The following BANP variants were observed in gnomAD, a reference collection of about 807,000 sequenced individuals.
The protein encoded by BANP is protein BANP.
Under a neutral mutation model 68.1 loss-of-function variants are expected in BANP, and 11 were observed. The observed-to-expected ratio is 0.16, with a 90% CI of 0.10 to 0.27. The LOEUF is 0.27. Among genes scored for constraint, BANP ranks in the 10% least tolerant of loss-of-function variants. BANP has a pLI of 1.00. For missense variants in BANP, 504 were observed against 722.7 expected (o/e 0.70, Z 3.47); for synonymous variants, 329 against 303.2 (o/e 1.09, Z -0.88).
intron 4 of BANP, among the ~76,000 whole-genome samples, chr16:87,995,844 G>A (rs1040180724): frequency 2.6e-5 from 4 of 152,236 alleles, no homozygotes; most frequent in South Asian, 2.1e-4. Flanking sequence ...GGGAAGCAGC[G>A]CGCCCGGCCT....
Position 88,051,647 on chromosome 16 carries a change from A to C in BANP, c.1312-13620A>C, listed in dbSNP as rs551951391. Among the ~76,000 whole-genome samples, 4 of 152,286 alleles carry C rather than the reference A, an allele frequency of 2.6e-5. No individual in the cohort carries two copies. The East Asian group carries it at 7.7e-4, about 29-fold the overall frequency. The stretch of plus-strand genomic sequence containing the variant: ...GTTGTGGGGCTGGTCTGTCACCTTC[A>C]GTGTTGTGATCTCAGGAAGATAGCA... On this transcript the variant is annotated intron_variant, in intron 11 of 13. Coordinates refer to ENST00000682872, the MANE Select transcript of BANP (RefSeq NM_001386991.1).
At chr16:87,991,049 A>G (rs1199667219) in intron 4 of BANP, among the ~76,000 whole-genome samples, 2 of 152,228 alleles carry the variant, frequency 1.3e-5, no homozygotes, top group African/African-American at 4.8e-5. Context: ...GGCGTGCACC[A>G]CTGCGCCCAG....
chr16:88,032,068 G>C (rs963373700), intron 8 of BANP, among the ~76,000 whole-genome samples: 7 of 152,116 alleles, frequency 4.6e-5, no homozygotes, highest in African/African-American at 1.7e-4. Context: ...GCCTCCCAAA[G>C]TGCTGGGATT....
chr16:88,040,317 A>G (rs1287861018), intron 11 of BANP, among the ~76,000 whole-genome samples: 3 of 147,206 alleles, frequency 2.0e-5, no homozygotes, highest in Non-Finnish European at 4.4e-5. Flanking sequence ...CACCCTGCTC[A>G]TGCAGGCTTC....
At chr16:88,060,726 G>C (rs2086509993) in intron 11 of BANP, among the ~76,000 whole-genome samples, 1 of 152,086 alleles carries the variant, frequency 6.6e-6, no homozygotes, top group Admixed American at 6.5e-5. Flanking sequence ...TTGGATGGCA[G>C]CCCGGCCGGG....
At chr16:87,971,176 G>C (rs1032689235) in intron 1 of BANP, among the ~76,000 whole-genome samples, 1 of 152,176 alleles carries the variant, frequency 6.6e-6, no homozygotes, top group African/African-American at 2.4e-5. Context: ...GTTTTTGAAA[G>C]TTGTTACATT....
chr16:87,977,621 TAGA>T, intron 2 of BANP, among the ~76,000 whole-genome samples: 1 of 152,314 alleles, frequency 6.6e-6, no homozygotes, highest in South Asian at 2.1e-4. Context: ...GTCAAGAAAG[TAGA>T]AGAAATAAAA....
At chr16:87,967,678 G>T (rs555953523) in intron 1 of BANP, among the ~76,000 whole-genome samples, 16 of 148,344 alleles carry the variant, frequency 1.1e-4, no homozygotes, top group Admixed American at 8.9e-4. Flanking sequence ...CTGGAGTGCA[G>T]TGGCGCAGTC....
intron 13 of BANP, among the ~76,000 whole-genome samples, chr16:88,072,451 A>C (rs532009997): frequency 1.9e-4 from 29 of 152,334 alleles, no homozygotes; most frequent in African/African-American, 6.7e-4. Flanking sequence ...TCTTGTGGAA[A>C]TGTTTGTAAA....
chr16:88,003,575 C>CT lies in BANP; in HGVS notation c.363-717dup. 2.2e-6 allele frequency: 1 copy of CT among 455,820 alleles called. No individual in the cohort carries two copies. The highest frequency in any genetic ancestry group is 1.6e-5 in the South Asian group (1 of 64,486). 28.2% of individuals were successfully genotyped at this position (455,820 alleles called of 1,614,324 possible). A position where few individuals can be genotyped will look rare whatever the true frequency, so the allele number is the denominator to read the frequency against. On this transcript the variant is annotated intron_variant, in intron 4 of 13. Coordinates refer to ENST00000682872, the MANE Select transcript of BANP (RefSeq NM_001386991.1). This position sits in a 1 kb window ranked among gnomAD's most constrained non-coding sequence, Gnocchi z 6.1. ...ATTGAAAACTGTGGGTGAGTCTGTA[C>CT]TTTGAGATGAAGCTGTGTTAGCTGC...
At chr16:88,045,371 G>A (rs941502055) in intron 11 of BANP, among the ~76,000 whole-genome samples, 5 of 152,200 alleles carry the variant, frequency 3.3e-5, no homozygotes, top group African/African-American at 7.2e-5. Flanking sequence ...TTGTCCGTGC[G>A]TGCACTTGAG....
At chr16:88,007,439 G>A (rs1286765829) in intron 6 of BANP, among the ~76,000 whole-genome samples, 1 of 152,116 alleles carries the variant, frequency 6.6e-6, no homozygotes, top group Non-Finnish European at 1.5e-5. Flanking sequence ...GTGCCCTCCC[G>A]CCTGGCCCTC....
chr16:88,004,360 A>G lies in BANP; in HGVS notation c.428A>G (p.Glu143Gly). The G allele has an allele frequency of 6.5e-7, 1 of 1,550,358 alleles. No homozygotes were observed. The highest frequency in any genetic ancestry group is 8.7e-7 in the Non-Finnish European group (1 of 1,146,548). ...DRQNAIVAKMEDPLSNRAPDS... is the reference protein window; with the variant it reads ...DRQNAIVAKMGDPLSNRAPDS... ...CAGAACGCCATTGTAGCCAAGATGG[A>G]AGACCCCTTGAGCAACAGGGCACCG... The change falls in exon 5 of 14, where the codon GAA becomes GGA. Residue 143 changes from glutamate (E) to glycine (G), a missense_variant. By Grantham distance (98) the Glu-to-Gly change is moderately conservative. Around this residue, in one of 3 missense-constraint regions of BANP, gnomAD observed 238 missense variants for 278.9 expected, o/e 0.85. Transcript: ENST00000682872. This position sits in a 1 kb window ranked among gnomAD's most constrained non-coding sequence, Gnocchi z 7.0.
At chr16:88,020,480 G>C (rs943030889) in intron 7 of BANP, among the ~76,000 whole-genome samples, 1 of 152,256 alleles carries the variant, frequency 6.6e-6, no homozygotes, top group Non-Finnish European at 1.5e-5. Flanking sequence ...ATATATAGAC[G>C]AATGAGAAAT....
chr16:88,055,169 C>T (rs938491265), intron 11 of BANP, among the ~76,000 whole-genome samples: 8 of 150,940 alleles, frequency 5.3e-5, no homozygotes, highest in African/African-American at 1.7e-4. Context: ...AAGATGTGCA[C>T]GAACAAAGCT....
rs539362691 is a variant in BANP, at chr16:88,015,266, C to A, written c.656-3162C>A. On this transcript the variant is annotated intron_variant, in intron 6 of 13. Coordinates refer to ENST00000682872, the MANE Select transcript of BANP (RefSeq NM_001386991.1). The stretch of plus-strand genomic sequence containing the variant: ...AGCTCGTCTCCTCTGTCCCTCTGTC[C>A]ATGCCCTCTGCCTGTACCTCCCTGC... Among the ~76,000 whole-genome samples, 4 of 148,664 alleles carry A rather than the reference C, an allele frequency of 2.7e-5. No homozygotes were observed. In the South Asian group the frequency reaches 8.7e-4, roughly 32 times the overall value.
chr16:87,973,777 AAAAAG>A (rs2061557499), intron 1 of BANP, among the ~76,000 whole-genome samples: 1 of 151,492 alleles, frequency 6.6e-6, no homozygotes, highest in Non-Finnish European at 1.5e-5. Flanking sequence ...AAAAAAAAGA[AAAAAG>A]AAAAAAATTC....
At chr16:88,005,782 T>G (rs1164210938) in intron 5 of BANP, among the ~76,000 whole-genome samples, 1 of 152,386 alleles carries the variant, frequency 6.6e-6, no homozygotes, top group East Asian at 1.9e-4. Flanking sequence ...ACCAGCATTT[T>G]ATGGGATGAC....
intron 4 of BANP, among the ~76,000 whole-genome samples, chr16:87,989,818 A>G (rs2065453731): frequency 8.9e-6 from 1 of 112,736 alleles, no homozygotes; most frequent in African/African-American, 3.6e-5. Flanking sequence ...GACACAGGAC[A>G]CAGGGCGGGT....
Sources: gnomAD v4.1 joint callset for allele counts (sites outside exome capture counted in the v4.1 genomes callset) on GRCh38, gnomAD v4.1.1 for gene constraint, gnomAD v4.1.1 regional missense constraint, Gnocchi (gnomAD v3.1) non-coding constraint, MANE v1.5 for transcripts, NCBI Gene and HGNC (gene_info 2026-07-23, HGNC 2026-07-21) for gene names.